Variants in TENM2 observed in about 807,000 individuals in gnomAD.
The protein encoded by TENM2 is teneurin-2.
TENM2 carries 52 observed loss-of-function variants against 245.2 expected under a neutral mutation model. The ratio of observed to expected loss-of-function variants is 0.21; its 90% CI spans 0.17 to 0.27. The LOEUF is 0.27. TENM2 is among the 10% of genes least tolerant of loss of function. The pLI is 1.00. For synonymous variants in TENM2, 1,363 were observed against 1,438.9 expected (o/e 0.95, Z 1.19); for missense variants, 3,046 against 3,666.8 (o/e 0.83, Z 4.37).
chr5:167,284,504 C>CA (rs1166224075), upstream of TENM2, among the ~76,000 whole-genome samples: 30 of 152,262 alleles, frequency 2.0e-4, no homozygotes, highest in Non-Finnish European at 1.0e-4. Flanking sequence ...TCTGTGCATA[C>CA]AAAAAATCTA....
At chr5:167,589,877 A>T (rs1775761679) in intron 2 of TENM2, among the ~76,000 whole-genome samples, 1 of 151,480 alleles carries the variant, frequency 6.6e-6, no homozygotes, top group East Asian at 1.9e-4. Context: ...AAACTATAAT[A>T]ATATATTTAT....
chr5:167,937,833 T>A (rs968049910), intron 3 of TENM2: 12 of 152,194 alleles, frequency 7.9e-5, no homozygotes, highest in African/African-American at 2.9e-4. Context: ...AGATGAGGAC[T>A]GGATGATTGG....
rs1772065880 is a variant in TENM2 at position 167,539,604 on chromosome 5, G to T, written c.502+164131G>T. The stretch of plus-strand genomic sequence containing the variant: ...GGTTTCCTACCTTCTCTTACGGGAA[G>T]ATGAGACCTAGGTTTAAAAAGTAGG... On this transcript the variant is annotated intron_variant, in intron 2 of 28. Coordinates refer to ENST00000518659, the Ensembl canonical transcript of TENM2. Among the ~76,000 whole-genome samples the T allele has an allele frequency of 2.0e-5, 3 of 152,306 alleles. No homozygotes were observed. In the South Asian group the frequency reaches 6.2e-4, roughly 32 times the overall value.
intron 2 of TENM2, among the ~76,000 whole-genome samples, chr5:167,470,511 G>T (rs1418567730): frequency 2.8e-5 from 2 of 70,958 alleles, no homozygotes; most frequent in East Asian, 4.6e-4. Context: ...AAATCTATTT[G>T]CAATTAATTT....
chr5:167,953,821 C>T (rs896801384), intron 4 of TENM2, among the ~76,000 whole-genome samples: 3 of 152,138 alleles, frequency 2.0e-5, no homozygotes, highest in African/African-American at 7.2e-5. Context: ...TCTCTTCACA[C>T]AGCTGGAAGC....
the TENM2 span, among the ~76,000 whole-genome samples, chr5:167,246,425 T>C: frequency 1.3e-5 from 2 of 152,048 alleles, no homozygotes; most frequent in Admixed American, 1.3e-4. Context: ...TACATAGATA[T>C]ATGTCTGTAT....
At chr5:167,975,339 G>A (rs1045686330) in intron 4 of TENM2, among the ~76,000 whole-genome samples, 4 of 152,202 alleles carry the variant, frequency 2.6e-5, no homozygotes, top group African/African-American at 9.6e-5. Context: ...AGAACCTGCT[G>A]CCCTGGGACT....
At chr5:168,063,314 A>G (rs974409033) in intron 7 of TENM2, among the ~76,000 whole-genome samples, 3 of 152,178 alleles carry the variant, frequency 2.0e-5, no homozygotes, top group African/African-American at 7.2e-5. Context: ...GGATTACATT[A>G]TGGATTTCAT....
At chr5:167,059,969 C>T in the TENM2 span, among the ~76,000 whole-genome samples, 1 of 152,046 alleles carries the variant, frequency 6.6e-6, no homozygotes, top group African/African-American at 2.4e-5. Context: ...TCCCAAAGTG[C>T]TGGGATTATG....
chr5:167,683,708 G>A (rs1386123102), intron 2 of TENM2, among the ~76,000 whole-genome samples: 1 of 152,118 alleles, frequency 6.6e-6, no homozygotes, highest in Non-Finnish European at 1.5e-5. Context: ...ACTCACAAAA[G>A]CATGGAAAGA....
intron 2 of TENM2, among the ~76,000 whole-genome samples, chr5:167,551,688 A>T (rs1190448413): frequency 2.0e-5 from 3 of 152,188 alleles, no homozygotes; most frequent in African/African-American, 7.2e-5. Context: ...CTATCTATGT[A>T]TTCATTTGTT....
intron 1 of TENM2, among the ~76,000 whole-genome samples, chr5:167,321,482 A>G (rs1756718055): frequency 6.6e-6 from 1 of 152,108 alleles, no homozygotes; most frequent in East Asian, 1.9e-4. Context: ...AGAATTTATC[A>G]CCAGCTTCAA....
intron 2 of TENM2, among the ~76,000 whole-genome samples, chr5:167,637,558 T>G (rs1056568236): frequency 3.3e-5 from 5 of 152,168 alleles, no homozygotes; most frequent in African/African-American, 1.2e-4. Flanking sequence ...TAGCAAAGAC[T>G]TGGAACCAAC....
At chr5:167,437,844 A>C (rs1403678620) in intron 2 of TENM2, among the ~76,000 whole-genome samples, 3 of 152,154 alleles carry the variant, frequency 2.0e-5, no homozygotes, top group African/African-American at 7.2e-5. Context: ...TTCAGCCATG[A>C]TTGTGAGGCC....
intron 2 of TENM2, among the ~76,000 whole-genome samples, chr5:167,747,668 T>C (rs562517426): frequency 1.3e-5 from 2 of 152,196 alleles, no homozygotes; most frequent in Non-Finnish European, 2.9e-5. Context: ...TCCCTTTCAT[T>C]TGAAGGGACT....
the TENM2 span, among the ~76,000 whole-genome samples, chr5:167,068,800 A>C: frequency 6.6e-6 from 1 of 152,234 alleles, no homozygotes; most frequent in Non-Finnish European, 1.5e-5. Flanking sequence ...TTTCTGTGTT[A>C]TAAAATTATT....
intron 7 of TENM2, among the ~76,000 whole-genome samples, chr5:168,083,034 A>C (rs552499057): frequency 1.3e-5 from 2 of 152,160 alleles, no homozygotes; most frequent in African/African-American, 4.8e-5. Context: ...TTGTTCAGCT[A>C]TGCCCTGCCC....
intron 10 of TENM2, among the ~76,000 whole-genome samples, chr5:168,122,973 A>C (rs1413260926): frequency 6.6e-6 from 1 of 152,116 alleles, no homozygotes. Flanking sequence ...AAATAATGTC[A>C]TATTTAGAGC....
intron 25 of TENM2, among the ~76,000 whole-genome samples, chr5:168,234,367 G>C (rs1765228615): frequency 6.6e-6 from 1 of 152,054 alleles, no homozygotes; most frequent in Non-Finnish European, 1.5e-5. Flanking sequence ...AGTCAGGCAG[G>C]CACAGGTCAC....
Sources: gnomAD v4.1 joint callset for allele counts (sites outside exome capture counted in the v4.1 genomes callset) on GRCh38, gnomAD v4.1.1 for gene constraint, MANE v1.5 for transcripts, NCBI Gene and HGNC (gene_info 2026-07-23, HGNC 2026-07-21) for gene names.